ASCC3: variants seen among roughly 807,000 people sequenced by gnomAD.
ASCC3 encodes ASC-1 complex subunit P200.
Under a neutral mutation model 256.3 loss-of-function variants are expected in ASCC3, and 158 were observed. The ratio of observed to expected loss-of-function variants is 0.62; its 90% CI spans 0.54 to 0.70. The LOEUF is 0.70. Among genes scored for constraint, ASCC3 ranks in the 30% least tolerant of loss-of-function variants. ASCC3 has a pLI of 0.00. For synonymous variants in ASCC3, 948 were observed against 883.4 expected (o/e 1.07, Z -1.30); for missense variants, 2,259 against 2,626.0 (o/e 0.86, Z 3.05).
intron 10 of ASCC3, among the ~76,000 whole-genome samples, chr6:100,749,679 A>T (rs1300030013): frequency 6.6e-6 from 1 of 151,958 alleles, no homozygotes; most frequent in Non-Finnish European, 1.5e-5. Flanking sequence ...TGTTCCGTTG[A>T]CTGCAATTAT....
intron 10 of ASCC3, among the ~76,000 whole-genome samples, chr6:100,732,430 T>A (rs1779945767): frequency 1.3e-5 from 2 of 152,126 alleles, no homozygotes; most frequent in Non-Finnish European, 2.9e-5. Flanking sequence ...TATCAACAAA[T>A]TACAGTAAGA....
intron 4 of ASCC3, among the ~76,000 whole-genome samples, chr6:100,808,523 T>G (rs1044571656): frequency 6.6e-6 from 1 of 151,974 alleles, no homozygotes; most frequent in Non-Finnish European, 1.5e-5. Flanking sequence ...AAACCAAAAA[T>G]ATATATCATA....
At chr6:100,689,785 A>G (rs1447378655) in intron 13 of ASCC3, among the ~76,000 whole-genome samples, 1 of 152,160 alleles carries the variant, frequency 6.6e-6, no homozygotes, top group Non-Finnish European at 1.5e-5. Context: ...TTTAAATTTA[A>G]CAGCAGACCT....
At chr6:100,750,085 A>T (rs1247964505) in intron 10 of ASCC3, among the ~76,000 whole-genome samples, 1 of 151,826 alleles carries the variant, frequency 6.6e-6, no homozygotes, top group African/African-American at 2.4e-5. Flanking sequence ...AACTGCCTGG[A>T]AAATTGACCA....
chr6:100,718,044 T>C, intron 12 of ASCC3, 31 bp downstream of exon 12: 1 of 1,598,612 alleles, frequency 6.3e-7, no homozygotes. Context: ...AACAAAAATA[T>C]TTTTAGATAA....
At position 100,881,211 on chromosome 6, in the gene ASCC3, G is replaced by A. The variant is rs916142067; in HGVS notation, c.-192C>T. 2.6e-5 allele frequency: 4 copies of A among 152,392 alleles called. No homozygotes were observed. The highest frequency in any genetic ancestry group is 9.6e-5 in the African/African-American group (4 of 41,468). The allele number at this position is 152,392 out of a possible 1,614,324, so 9.4% of individuals were successfully genotyped here. ...GCGGGCAGCTGTATCGCCGCGCCCC[G>A]TCCGCCCTCCAAGCCGCGCTTGCCG... On this transcript the variant is annotated 5_prime_UTR_variant, in exon 1 of 42. It adds an upstream start codon to the 5' untranslated region. Transcript: ENST00000369162.
Position 100,863,919 on chromosome 6 carries a change from G to A in ASCC3, c.241+145C>T, listed in dbSNP as rs1340648145. ...GTTACATGCATGAGCCACCGCGCCTGGCCAGGACTGTCTTTCATAATTATG... is the reference window on the plus strand; with the variant it reads ...GTTACATGCATGAGCCACCGCGCCTAGCCAGGACTGTCTTTCATAATTATG... On this transcript the variant is annotated intron_variant, in intron 3 of 41. Coordinates refer to ENST00000369162, the MANE Select transcript of ASCC3 (RefSeq NM_006828.4). The A allele has an allele frequency of 3.8e-6, 3 of 782,742 alleles. No individual in the cohort carries two copies. In the African/African-American group the frequency reaches 5.3e-5, roughly 14 times the overall value. The allele number at this position is 782,742 out of a possible 1,614,324, so 48.5% of individuals were successfully genotyped here.
At chr6:100,644,904 A>G (rs779456455) in intron 22 of ASCC3, among the ~76,000 whole-genome samples, 1 of 152,242 alleles carries the variant, frequency 6.6e-6, no homozygotes, top group Admixed American at 6.5e-5. Context: ...GAAGTACCCA[A>G]AAGTGTCAGC....
At chr6:100,515,382 C>T (rs1303572579) in intron 39 of ASCC3, among the ~76,000 whole-genome samples, 1 of 151,914 alleles carries the variant, frequency 6.6e-6, no homozygotes, top group African/African-American at 2.4e-5. Context: ...AAAATAAGTT[C>T]CACTTGGAAA....
intron 4 of ASCC3, among the ~76,000 whole-genome samples, chr6:100,833,651 A>C (rs72947079): frequency 0.18 from 27,556 of 152,224 alleles, 3,129 homozygotes; most frequent in Middle Eastern, 0.28. Flanking sequence ...ATATGGTATA[A>C]AATTCAAGAA....
chr6:100,554,214 T>C (rs1769447992), intron 36 of ASCC3, among the ~76,000 whole-genome samples: 1 of 152,194 alleles, frequency 6.6e-6, no homozygotes, highest in Non-Finnish European at 1.5e-5. Context: ...TGAAAGCATG[T>C]GAACAAATGA....
chr6:100,675,397 T>A (rs181207748), intron 14 of ASCC3, among the ~76,000 whole-genome samples: 1 of 152,248 alleles, frequency 6.6e-6, no homozygotes, highest in Admixed American at 6.5e-5. Context: ...ACAGATACCA[T>A]CTCGGAAGAG....
chr6:100,768,140 C>T (rs1163254931), intron 8 of ASCC3, among the ~76,000 whole-genome samples: 1 of 151,870 alleles, frequency 6.6e-6, no homozygotes, highest in Non-Finnish European at 1.5e-5. Flanking sequence ...TTTTTTAAAA[C>T]GCAGCAGTAA....
chr6:100,629,140 G>C lies in ASCC3; in HGVS notation c.4250C>G (p.Ser1417Cys). 2 of 1,613,722 alleles carry C rather than the reference G, an allele frequency of 1.2e-6. No homozygotes were observed. The highest frequency in any genetic ancestry group is 1.7e-6 in the Non-Finnish European group (2 of 1,179,818). The change falls in exon 27 of 42, where the codon TCC (serine) becomes TGC (cysteine). Residue 1417 changes from serine (S) to cysteine (C), a missense_variant. Coordinates refer to ENST00000369162, the MANE Select transcript of ASCC3 (RefSeq NM_006828.4). The part of the protein sequence containing the change: ...LTGDVTPDMK[S>C]IAKADLIVTT... Reference sequence around the variant, plus strand: ...GACGATAAGGTCAGCCTTGGCAATGGATTTCATATCAGGAGTCACATCCCC... The same window carrying C: ...GACGATAAGGTCAGCCTTGGCAATGCATTTCATATCAGGAGTCACATCCCC...
chr6:100,614,466 C>T (rs535716400), intron 30 of ASCC3, among the ~76,000 whole-genome samples: 5 of 152,240 alleles, frequency 3.3e-5, no homozygotes, highest in South Asian at 2.1e-4. Flanking sequence ...GTATCTTAAA[C>T]GTATTAACAC....
rs993932799 is a variant in ASCC3 at position 100,769,299 on chromosome 6, T to A, written c.1396-1954A>T. On this transcript the variant is annotated intron_variant, in intron 8 of 41. Transcript: ENST00000369162. ...TAGACAGGAAGATTAAGTTCTGGTGTCTTATTACACAGAAGACTATAACAA... is the reference window on the plus strand; with the variant it reads ...TAGACAGGAAGATTAAGTTCTGGTGACTTATTACACAGAAGACTATAACAA... 3.3e-5 allele frequency among the ~76,000 whole-genome samples: 5 copies of A among 151,952 alleles called. 1 individual carries two copies. Among genetic ancestry groups the A allele is most frequent in the South Asian group, 4.1e-4 (2 of 4,824 alleles).
intron 3 of ASCC3, among the ~76,000 whole-genome samples, chr6:100,861,589 C>A (rs1232946438): frequency 6.6e-6 from 1 of 152,104 alleles, no homozygotes; most frequent in Non-Finnish European, 1.5e-5. Context: ...TACTACTCAA[C>A]TTAAGTTTCA....
At chr6:100,701,270 G>A (rs1033099263) in intron 13 of ASCC3, among the ~76,000 whole-genome samples, 5 of 152,082 alleles carry the variant, frequency 3.3e-5, no homozygotes, top group African/African-American at 1.2e-4. Context: ...CTTTACTCAT[G>A]GCGGTGGGTC....
chr6:100,514,181 C>A (rs1277399903), intron 39 of ASCC3, among the ~76,000 whole-genome samples: 3 of 152,056 alleles, frequency 2.0e-5, no homozygotes, highest in Non-Finnish European at 4.4e-5. Context: ...GAAATCATGT[C>A]TTGAACTGGA....
Sources: allele counts gnomAD v4.1 joint callset (sites outside exome capture counted in the v4.1 genomes callset), GRCh38; gene constraint gnomAD v4.1.1; transcripts MANE v1.5; gene names NCBI Gene and HGNC (gene_info 2026-07-23, HGNC 2026-07-21).